The following MAPKAPK5 variants were observed in gnomAD, a reference collection of about 807,000 sequenced individuals.
The protein encoded by MAPKAPK5 is MAPK activated protein kinase 5.
MAPKAPK5 carries 30 observed loss-of-function variants against 65.1 expected under a neutral mutation model. That is an observed-to-expected ratio of 0.46 (90% CI 0.34 to 0.63). MAPKAPK5 has a LOEUF of 0.63. Among genes scored for constraint, MAPKAPK5 ranks in the 20% least tolerant of loss-of-function variants. The pLI is 0.01. For synonymous variants in MAPKAPK5, 179 were observed against 204.6 expected, an observed-to-expected ratio of 0.87 and a Z score of 1.07; for missense variants, 433 against 581.4, an observed-to-expected ratio of 0.74 and a Z score of 2.63.
intron 7 of MAPKAPK5, among the ~76,000 whole-genome samples, chr12:111,871,663 A>C (rs1283243169): frequency 1.3e-5 from 2 of 152,208 alleles, no homozygotes; most frequent in Non-Finnish European, 2.9e-5. Context: ...AAATAAAATA[A>C]AATAAACTTT....
intron 8 of MAPKAPK5, among the ~76,000 whole-genome samples, chr12:111,881,550 G>A (rs1044791041): frequency 1.3e-5 from 2 of 151,816 alleles, no homozygotes; most frequent in Admixed American, 6.6e-5. Context: ...GATTACAGGC[G>A]CCTGCCACCA....
chr12:111,865,436 A>G, intron 2 of MAPKAPK5, 113 bp downstream of exon 2: 1 of 729,330 alleles, frequency 1.4e-6, no homozygotes, highest in South Asian at 1.6e-5. Context: ...GATTTGAGGA[A>G]TAGGCTGAAT....
Position 111,899,266 on chromosome 12 carries a change from TCA to T in MAPKAPK5, c.*6207_*6208del, listed in dbSNP as rs1461603644. On this transcript the variant is annotated 3_prime_UTR_variant, in exon 14 of 14. Coordinates refer to ENST00000550735, the MANE Select transcript of MAPKAPK5 (RefSeq NM_003668.4). ...CATTAACTGATTTATTTGGGCCATG[TCA>T]CTGGTGGCATTATTAAAAGACTCTG... 1 of 152,826 alleles carries T rather than the reference TCA, an allele frequency of 6.5e-6. No homozygotes were observed. Among genetic ancestry groups the T allele is most frequent in the Non-Finnish European group, 1.5e-5 (1 of 68,542 alleles). The allele number at this position is 152,826 out of a possible 1,614,324, so 9.5% of individuals were successfully genotyped here. A position where few individuals can be genotyped will look rare whatever the true frequency, so the allele number is the denominator to read the frequency against.
At chr12:111,844,720 G>T (rs998101002) in intron 1 of MAPKAPK5, among the ~76,000 whole-genome samples, 4 of 152,352 alleles carry the variant, frequency 2.6e-5, no homozygotes, top group Non-Finnish European at 4.4e-5. Context: ...TGTGGAAAGG[G>T]TGAGGAGTAC....
intron 1 of MAPKAPK5, among the ~76,000 whole-genome samples, chr12:111,863,695 C>T (rs908777508): frequency 2.6e-5 from 4 of 151,794 alleles, no homozygotes; most frequent in Non-Finnish European, 5.9e-5. Context: ...CAACTTCTGC[C>T]TCCTGGGTTC....
At chr12:111,870,466 A>G (rs188315179) in intron 6 of MAPKAPK5, 106 bp downstream of exon 6, 11 of 802,082 alleles carry the variant, frequency 1.4e-5, no homozygotes, top group East Asian at 1.4e-4. Flanking sequence ...CTTTAAGCCA[A>G]AGTGCTTCAA....
At position 111,888,892 on chromosome 12, in the gene MAPKAPK5, C is replaced by G. The variant is rs781378938; in HGVS notation, c.1108C>G (p.Pro370Ala). ...LRKRKLLGTK[P>A]KDSVYIHDHE... The stretch of plus-strand genomic sequence containing the variant: ...TCCCTCAAACTCTTAAAGCACCAAG[C>G]CAAAGGACAGTGTCTATATCCACGA... Residue 370 changes from proline (P) to alanine (A), a missense_variant, in exon 12 of 14, where the codon CCA becomes GCA. By Grantham distance (27) the Pro-to-Ala change is conservative. This residue lies in a region of MAPKAPK5 where 169 missense variants were observed against 215.6 expected (regional missense o/e 0.78). Transcript: ENST00000550735. 2 of 1,613,768 alleles carry G rather than the reference C, an allele frequency of 1.2e-6. No individual in the cohort carries two copies. Among genetic ancestry groups the G allele is most frequent in the East Asian group, 2.2e-5 (1 of 44,870 alleles).
chr12:111,853,540 A>G (rs1289262872), intron 1 of MAPKAPK5, among the ~76,000 whole-genome samples: 4 of 152,040 alleles, frequency 2.6e-5, no homozygotes, highest in Non-Finnish European at 5.9e-5. Context: ...ATAAAACAAA[A>G]TTTTTTTGTT....
chr12:111,862,018 A>T (rs1412484241), intron 1 of MAPKAPK5, among the ~76,000 whole-genome samples: 3 of 151,128 alleles, frequency 2.0e-5, no homozygotes, highest in Non-Finnish European at 4.4e-5. Context: ...TTTGTCATTG[A>T]TGTCTTTGAA....
intron 1 of MAPKAPK5, among the ~76,000 whole-genome samples, chr12:111,847,878 A>ATT (rs2068954781): frequency 6.6e-6 from 1 of 152,112 alleles, no homozygotes; most frequent in African/African-American, 2.4e-5. Flanking sequence ...TAGCTTACCA[A>ATT]TTTTATGTGT....
At chr12:111,867,700 C>T (rs2069657943) in intron 4 of MAPKAPK5, 31 bp downstream of exon 4, 3 of 1,537,074 alleles carry the variant, frequency 2.0e-6, no homozygotes, top group African/African-American at 2.7e-5. Context: ...CATCAAATGC[C>T]CACATGTAGG....
At chr12:111,850,793 C>T (rs142059159) in intron 1 of MAPKAPK5, among the ~76,000 whole-genome samples, 44 of 152,286 alleles carry the variant, frequency 2.9e-4, no homozygotes, top group African/African-American at 9.6e-4. Flanking sequence ...CAGGACTACC[C>T]TGGTCTATAA....
At position 111,883,663 on chromosome 12, in the gene MAPKAPK5, G is replaced by A. The variant is rs745405567; in HGVS notation, c.743G>A (p.Arg248Gln). The A allele has an allele frequency of 4.3e-6, 7 of 1,613,910 alleles. No individual in the cohort carries two copies. The highest frequency in any genetic ancestry group is 5.1e-6 in the Non-Finnish European group (6 of 1,179,872). The change falls in exon 9 of 14, where the codon CGG becomes CAG. Residue 248 changes from arginine to glutamine, a missense_variant. By Grantham distance (43) the Arg-to-Gln change is conservative (BLOSUM62 1). Coordinates refer to ENST00000550735, the MANE Select transcript of MAPKAPK5 (RefSeq NM_003668.4). The surrounding 1 kb of genome is among the most constrained non-coding windows in gnomAD (Gnocchi z 4.8). ...YPPFYSKHHS[R>Q]TIPKDMRRKI... ...CCTTTTTACTCCAAACACCACAGCC[G>A]GACTATCCCAAAGGATATGCGAAGA...
intron 1 of MAPKAPK5, among the ~76,000 whole-genome samples, chr12:111,848,992 G>C (rs7315642): frequency 0.2 from 29,748 of 152,094 alleles, 3,124 homozygotes; most frequent in Middle Eastern, 0.27. Context: ...TCGTACTTCT[G>C]ACCTCAAGTG....
intron 1 of MAPKAPK5, among the ~76,000 whole-genome samples, chr12:111,855,604 G>A (rs550898676): frequency 5.8e-4 from 88 of 152,128 alleles, no homozygotes; most frequent in Non-Finnish European, 9.9e-4. Context: ...CAAGGCAGGC[G>A]GATCACGAGG....
Position 111,893,138 on chromosome 12 carries a change from A to G in MAPKAPK5, c.*77A>G. 9.6e-7 allele frequency: 1 copy of G among 1,038,196 alleles called. No individual in the cohort carries two copies. Among genetic ancestry groups the G allele is most frequent in the South Asian group, 1.6e-5 (1 of 62,466 alleles). The allele number at this position is 1,038,196 out of a possible 1,614,324, so 64.3% of individuals were successfully genotyped here. A position where few individuals can be genotyped will look rare whatever the true frequency, so the allele number is the denominator to read the frequency against. ...GTATAAAGTAATTTTATGTAAATTAATAAATCATAATTTCATTTCCACATT... is the reference window on the plus strand; with the variant it reads ...GTATAAAGTAATTTTATGTAAATTAGTAAATCATAATTTCATTTCCACATT... On this transcript the variant is annotated 3_prime_UTR_variant, in exon 14 of 14. Transcript: ENST00000550735.
Position 111,893,536 on chromosome 12 carries a change from AG to A in MAPKAPK5, c.*477del, listed in dbSNP as rs1207825478. On this transcript the variant is annotated 3_prime_UTR_variant, in exon 14 of 14. Coordinates refer to ENST00000550735, the MANE Select transcript of MAPKAPK5 (RefSeq NM_003668.4). The stretch of plus-strand genomic sequence containing the variant: ...CAGACTGCTTGCTGGAACTCACAGG[AG>A]GCACACTTGAGCTTGGGGAGCCAAC... The A allele has an allele frequency of 3.3e-5, 5 of 152,320 alleles. No homozygotes were observed. The highest frequency in any genetic ancestry group is 1.2e-4 in the African/African-American group (5 of 41,414). The allele number at this position is 152,320 out of a possible 1,614,324, so 9.4% of individuals were successfully genotyped here.
chr12:111,864,724 T>C (rs895370841), intron 1 of MAPKAPK5, among the ~76,000 whole-genome samples: 12 of 152,204 alleles, frequency 7.9e-5, no homozygotes, highest in Non-Finnish European at 5.9e-5. Context: ...AATGGTGGTG[T>C]TGGAAATTAG....
At position 111,866,009 on chromosome 12, in the gene MAPKAPK5, C is replaced by T. The variant is rs952607940; in HGVS notation, c.111-147C>T. The T allele has an allele frequency of 1.1e-5, 7 of 613,778 alleles. No homozygotes were observed. In the South Asian group the frequency reaches 1.2e-4, roughly 11 times the overall value. 38.0% of individuals were successfully genotyped at this position (613,778 alleles called of 1,614,324 possible). On this transcript the variant is annotated intron_variant, in intron 2 of 13. Coordinates refer to ENST00000550735, the MANE Select transcript of MAPKAPK5 (RefSeq NM_003668.4). ...AGAGGGGTGAGATGCTTCTTTCCCC[C>T]ACCTGCTACCCTTGGGGGCAAGTTT...
Sources: gnomAD v4.1 joint callset for allele counts (sites outside exome capture counted in the v4.1 genomes callset) on GRCh38, gnomAD v4.1.1 for gene constraint, gnomAD v4.1.1 regional missense constraint, Gnocchi (gnomAD v3.1) non-coding constraint, MANE v1.5 for transcripts, NCBI Gene and HGNC (gene_info 2026-07-23, HGNC 2026-07-21) for gene names.